ABCA13: variants seen among roughly 807,000 people sequenced by gnomAD.
The protein encoded by ABCA13 is ATP binding cassette subfamily A member 13, also known as ATP-binding cassette sub-family A member 13.
ABCA13 carries 476 observed loss-of-function variants against 478.7 expected under a neutral mutation model. The ratio of observed to expected loss-of-function variants is 0.99; its 90% confidence interval spans 0.92 to 1.07. The LOEUF is 1.07. Among genes scored for constraint, ABCA13 ranks in the 50% least tolerant of loss-of-function variants. The pLI, the probability that ABCA13 is intolerant of heterozygous loss-of-function variation, is 0.00. For missense variants in ABCA13, 6,060 were observed against 5,910.6 expected (o/e 1.03, Z -0.83); for synonymous variants, 2,252 against 2,158.9 (o/e 1.04, Z -1.20).
intron 48 of ABCA13, among the ~76,000 whole-genome samples, chr7:48,504,548 T>A (rs1831038484): frequency 6.6e-6 from 1 of 152,112 alleles, no homozygotes; most frequent in African/African-American, 2.4e-5. Context: ...AGGGTGTGTG[T>A]GTGTATATTT....
At chr7:48,358,687 G>A (rs1383634653) in intron 31 of ABCA13, among the ~76,000 whole-genome samples, 2 of 152,042 alleles carry the variant, frequency 1.3e-5, no homozygotes, top group Non-Finnish European at 2.9e-5. Flanking sequence ...GAAACTCACT[G>A]CTTAATGCAG....
In ABCA13 at chr7:48,646,861, T is replaced by C. The variant is rs895148859; in HGVS notation, c.*1349T>C. ...ATATTTTTAAAAGCTTTGTAAAAAT[T>C]ATGTCATTCTCAGAATTGTTGTCTT... On this transcript the variant is annotated 3_prime_UTR_variant, in exon 62 of 62. Coordinates refer to ENST00000435803, the MANE Select transcript of ABCA13 (RefSeq NM_152701.5). The C allele has an allele frequency of 2.0e-5, 3 of 152,322 alleles. No homozygotes were observed. The highest frequency in any genetic ancestry group is 7.2e-5 in the African/African-American group (3 of 41,570). The allele number at this position is 152,322 out of a possible 1,614,324, so 9.4% of individuals were successfully genotyped here. A position where few individuals can be genotyped will look rare whatever the true frequency, so the allele number is the denominator to read the frequency against.
intron 58 of ABCA13, among the ~76,000 whole-genome samples, chr7:48,604,696 A>G (rs1162106200): frequency 6.6e-6 from 1 of 152,150 alleles, no homozygotes. Flanking sequence ...AGAAGAATGT[A>G]TATTCTGTTG....
chr7:48,465,909 C>T (rs1826826622), intron 43 of ABCA13, among the ~76,000 whole-genome samples: 1 of 151,948 alleles, frequency 6.6e-6, no homozygotes, highest in African/African-American at 2.4e-5. Flanking sequence ...AAAGGAGTCA[C>T]TTATGTATAT....
chr7:48,528,107 C>A, intron 54 of ABCA13, 129 bp from the exon 55 acceptor site: 1 of 710,762 alleles, frequency 1.4e-6, no homozygotes, highest in Non-Finnish European at 2.4e-6. Flanking sequence ...TAACACAAAC[C>A]AGCAAAGTCA....
intron 58 of ABCA13, among the ~76,000 whole-genome samples, chr7:48,602,509 G>A (rs532117300): frequency 3.3e-5 from 5 of 152,132 alleles, no homozygotes; most frequent in Non-Finnish European, 5.9e-5. Flanking sequence ...GTTTTTGCCA[G>A]TTTTGTCAAA....
chr7:48,573,783 A>G (rs535782261), intron 55 of ABCA13, among the ~76,000 whole-genome samples: 1 of 152,012 alleles, frequency 6.6e-6, no homozygotes, highest in East Asian at 1.9e-4. Context: ...AGTGGCTTAA[A>G]CCAGGAAAAT....
At chr7:48,334,021 A>G (rs1193952507) in intron 27 of ABCA13, among the ~76,000 whole-genome samples, 3 of 152,112 alleles carry the variant, frequency 2.0e-5, no homozygotes, top group Non-Finnish European at 4.4e-5. Context: ...GGTTTGTTGG[A>G]AGGACTCCTG....
At position 48,646,613 on chromosome 7, in the gene ABCA13, G is replaced by A. The variant is rs868038093; in HGVS notation, c.*1101G>A. On this transcript the variant is annotated 3_prime_UTR_variant, in exon 62 of 62. Coordinates refer to ENST00000435803, the MANE Select transcript of ABCA13 (RefSeq NM_152701.5). Reference sequence around the variant, plus strand: ...CGGCTCACTGCAAGCTCCGCCTCCTGGGTTCACGCCATTCTCCTGCCTCAG... The same window carrying A: ...CGGCTCACTGCAAGCTCCGCCTCCTAGGTTCACGCCATTCTCCTGCCTCAG... 8.6e-5 allele frequency: 13 copies of A among 152,016 alleles called. 1 individual carries two copies. Among genetic ancestry groups the A allele is most frequent in the African/African-American group, 2.9e-4 (12 of 41,450 alleles). 9.4% of individuals were successfully genotyped at this position (152,016 alleles called of 1,614,324 possible).
Position 48,179,653 on chromosome 7 carries a change from C to T in ABCA13, c.69+8101C>T, listed in dbSNP as rs568332510. Among the ~76,000 whole-genome samples the T allele has an allele frequency of 2.0e-5, 3 of 152,266 alleles. No homozygotes were observed. The South Asian group carries it at 6.2e-4, about 32-fold the overall frequency. The stretch of plus-strand genomic sequence containing the variant: ...GCAGCCAGGAGGCACGGTGCTCTGT[C>T]CCGGAGCCACAGAATGATGTCAGCT... On this transcript the variant is annotated intron_variant, in intron 1 of 61. Coordinates refer to ENST00000435803, the MANE Select transcript of ABCA13 (RefSeq NM_152701.5).
chr7:48,189,196 C>T (rs943264070), intron 1 of ABCA13, among the ~76,000 whole-genome samples: 3 of 152,074 alleles, frequency 2.0e-5, no homozygotes, highest in Admixed American at 6.5e-5. Context: ...ACGGTGAAGC[C>T]CTAGCATTAA....
chr7:48,179,545 T>C (rs1795366847), intron 1 of ABCA13, among the ~76,000 whole-genome samples: 1 of 152,192 alleles, frequency 6.6e-6, no homozygotes, highest in Non-Finnish European at 1.5e-5. Flanking sequence ...AGGTTTGAAG[T>C]TGGAGCTCCT....
At chr7:48,193,644 T>G (rs1364836530) in intron 2 of ABCA13, among the ~76,000 whole-genome samples, 2 of 143,252 alleles carry the variant, frequency 1.4e-5, no homozygotes, top group Admixed American at 7.0e-5. Context: ...TAATAGTAAC[T>G]ATGATGATGA....
chr7:48,522,104 C>T (rs1479906512), intron 53 of ABCA13, among the ~76,000 whole-genome samples: 1 of 152,162 alleles, frequency 6.6e-6, no homozygotes, highest in Non-Finnish European at 1.5e-5. Context: ...CTGTTACGCC[C>T]TCTTTCTCTA....
intron 20 of ABCA13, among the ~76,000 whole-genome samples, chr7:48,290,691 A>G (rs924968969): frequency 3.3e-5 from 5 of 152,176 alleles, no homozygotes; most frequent in African/African-American, 1.2e-4. Context: ...ACAAATTACA[A>G]ACTAGAGGTT....
chr7:48,198,631 A>G (rs1798258499), intron 3 of ABCA13, among the ~76,000 whole-genome samples: 1 of 152,236 alleles, frequency 6.6e-6, no homozygotes, highest in South Asian at 2.1e-4. Context: ...TGTTTTCTGT[A>G]GGTTAAAACT....
rs752191456 is a variant in ABCA13 at position 48,387,902 on chromosome 7, AG to A, written c.11418del (p.Arg3806SerfsTer5). 15 of 1,613,058 alleles carry A rather than the reference AG, an allele frequency of 9.3e-6. No homozygotes were observed. The African/African-American group carries it at 1.2e-4, about 13-fold the overall frequency. Reference sequence around the variant, plus strand: ...GAGTGTGGGTTTCTTGGTGGAGAAAAGGCAATACTTTCTAAGTTCTAGTCTG... The same window carrying A: ...GAGTGTGGGTTTCTTGGTGGAGAAAAGCAATACTTTCTAAGTTCTAGTCTG... ...WKSVGFLVEK[R>X]QYFLSSSLFF... On this transcript the variant is annotated frameshift_variant, in exon 36 of 62. Transcript: ENST00000435803. LOFTEE classifies it high-confidence loss of function.
chr7:48,172,328 C>A (rs1303566844), intron 1 of ABCA13, among the ~76,000 whole-genome samples: 1 of 152,152 alleles, frequency 6.6e-6, no homozygotes, highest in African/African-American at 2.4e-5. Context: ...TTTCTGCTGA[C>A]AAATGCTTTG....
chr7:48,485,272 G>A (rs1022386302), intron 47 of ABCA13, among the ~76,000 whole-genome samples: 7 of 151,750 alleles, frequency 4.6e-5, no homozygotes, highest in African/African-American at 1.7e-4. Flanking sequence ...TGGAGGGGCT[G>A]TTATTCCTGA....
Sources: allele counts gnomAD v4.1 joint callset (sites outside exome capture counted in the v4.1 genomes callset), GRCh38; gene constraint gnomAD v4.1.1; transcripts MANE v1.5; gene names NCBI Gene and HGNC (gene_info 2026-07-23, HGNC 2026-07-21).